Variants in ESR1 observed in about 807,000 individuals in gnomAD.
ESR1 encodes estrogen receptor.
ESR1 carries 12 observed loss-of-function variants against 52.7 expected under a neutral mutation model. The observed-to-expected ratio is 0.23, with a 90% CI of 0.15 to 0.37. The LOEUF is 0.37. Ranked by LOEUF, ESR1 falls within the 10% of genes least tolerant of loss-of-function variation. The pLI is 1.00. For synonymous variants in ESR1, 305 were observed against 316.8 expected (o/e 0.96, Z 0.39); for missense variants, 584 against 779.7 (o/e 0.75, Z 2.99).
chr6:152,108,869 C>T (rs757276675), intron 6 of ESR1, among the ~76,000 whole-genome samples: 10 of 152,172 alleles, frequency 6.6e-5, no homozygotes, highest in Non-Finnish European at 1.2e-4. Context: ...CCCATTCTCA[C>T]GCTGCTACAA....
At chr6:151,710,209 A>G (rs1177251146) in intron 2 of ESR1, among the ~76,000 whole-genome samples, 1 of 150,860 alleles carries the variant, frequency 6.6e-6, no homozygotes, top group African/African-American at 2.4e-5. Context: ...CTCTTTTAAC[A>G]TTTGGCAAGT....
intron 2 of ESR1, among the ~76,000 whole-genome samples, chr6:151,751,818 C>A (rs1005764244): frequency 6.6e-6 from 1 of 152,136 alleles, no homozygotes; most frequent in African/African-American, 2.4e-5. Context: ...GAGAGAAGAT[C>A]ATTATTAATG....
chr6:152,026,145 C>G (rs1052753704), intron 5 of ESR1, among the ~76,000 whole-genome samples: 3 of 151,728 alleles, frequency 2.0e-5, no homozygotes, highest in African/African-American at 4.8e-5. Context: ...AAAAATGTTC[C>G]ATGTATACTT....
intron 2 of ESR1, among the ~76,000 whole-genome samples, chr6:151,778,284 T>C (rs114042150): frequency 0.087 from 13,210 of 152,146 alleles, 687 homozygotes; most frequent in African/African-American, 0.1. Flanking sequence ...CATTTCTGTT[T>C]GGGATGATGA....
intron 2 of ESR1, among the ~76,000 whole-genome samples, chr6:151,857,487 ACC>A (rs372523672): frequency 4.0e-5 from 6 of 149,742 alleles, no homozygotes; most frequent in African/African-American, 1.3e-4. Context: ...AAACACACCC[ACC>A]CACCCACACA....
At chr6:151,921,553 C>T (rs759764747) in intron 3 of ESR1, among the ~76,000 whole-genome samples, 1 of 152,150 alleles carries the variant, frequency 6.6e-6, no homozygotes, top group Non-Finnish European at 1.5e-5. Flanking sequence ...ACATTCCGAC[C>T]AACAGTGTAA....
At chr6:151,742,609 C>T (rs1435533674) in intron 2 of ESR1, among the ~76,000 whole-genome samples, 3 of 152,148 alleles carry the variant, frequency 2.0e-5, no homozygotes, top group African/African-American at 7.2e-5. Context: ...TCTGTGCCTT[C>T]CTTTGTTACT....
chr6:151,716,832 G>A (rs1013497219), intron 2 of ESR1, among the ~76,000 whole-genome samples: 4 of 152,216 alleles, frequency 2.6e-5, no homozygotes, highest in African/African-American at 4.8e-5. Context: ...CTTTTCTGGG[G>A]AGTGAATGGT....
intron 1 of ESR1, among the ~76,000 whole-genome samples, chr6:151,676,646 C>T (rs934809740): frequency 2.0e-5 from 3 of 152,180 alleles, no homozygotes; most frequent in African/African-American, 4.8e-5. Flanking sequence ...CATGGGCAGC[C>T]TTCCTTCCCC....
intron 6 of ESR1, among the ~76,000 whole-genome samples, chr6:152,109,162 C>T (rs2051101618): frequency 1.3e-5 from 2 of 152,192 alleles, no homozygotes; most frequent in South Asian, 4.1e-4. Context: ...GGTGCTGACC[C>T]ATTCAGGAGA....
chr6:151,905,778 G>A (rs1436092583), intron 3 of ESR1, among the ~76,000 whole-genome samples: 1 of 152,090 alleles, frequency 6.6e-6, no homozygotes, highest in Non-Finnish European at 1.5e-5. Flanking sequence ...TAGTTTATAG[G>A]CAAGATAGCC....
At chr6:151,958,778 AACAGACATTGAAT>A (rs1224767943) in intron 4 of ESR1, among the ~76,000 whole-genome samples, 1 of 152,230 alleles carries the variant, frequency 6.6e-6, no homozygotes, top group Non-Finnish European at 1.5e-5. Context: ...ACAAGTGGTG[AACAGACATTGAAT>A]AGTTGTTTTC....
At chr6:152,109,080 A>G (rs2051100542) in intron 6 of ESR1, among the ~76,000 whole-genome samples, 1 of 152,072 alleles carries the variant, frequency 6.6e-6, no homozygotes, top group South Asian at 2.1e-4. Context: ...GGGAGGCGCT[A>G]CACACTTTTC....
chr6:151,918,419 T>C lies in ESR1; in HGVS notation c.761-25754T>C, dbSNP rs148228554. 7.9e-5 allele frequency among the ~76,000 whole-genome samples: 12 copies of C among 152,322 alleles called. No homozygotes were observed. In the East Asian group the frequency reaches 2.3e-3, roughly 29 times the overall value. On this transcript the variant is annotated intron_variant, in intron 3 of 7. Transcript: ENST00000206249. ...AAATCATTGCTCATCTGTGCCTAAG[T>C]AGACTTATCAAGGGCAGTTGGTTCA... is the stretch of plus-strand genomic sequence containing the variant.
In ESR1 at chr6:151,955,469, C is replaced by T. The variant is rs137957709; in HGVS notation, c.1096+10961C>T. Among the ~76,000 whole-genome samples, 45 of 152,022 alleles carry T rather than the reference C, an allele frequency of 3.0e-4. No individual in the cohort carries two copies. The East Asian group carries it at 7.7e-3, about 26-fold the overall frequency. On this transcript the variant is annotated intron_variant, in intron 4 of 7. Coordinates refer to ENST00000206249, the MANE Select transcript of ESR1 (RefSeq NM_000125.4). ...TAAAAAAGAAACAGACATTTCATAG[C>T]AAAAATAGGATAAAAATGATATTAA...
chr6:151,987,635 C>T (rs1355666865), intron 4 of ESR1, among the ~76,000 whole-genome samples: 2 of 152,102 alleles, frequency 1.3e-5, no homozygotes, highest in South Asian at 2.1e-4. Flanking sequence ...CTTACCTTTC[C>T]TCACAGATTA....
intron 3 of ESR1, among the ~76,000 whole-genome samples, chr6:151,914,890 AAG>A (rs577262432): frequency 7.7e-4 from 117 of 152,340 alleles, no homozygotes; most frequent in African/African-American, 2.4e-3. Context: ...ATTTTAATAA[AAG>A]AAGGTTTTGA....
chr6:151,779,196 G>A (rs1330632589), intron 2 of ESR1, among the ~76,000 whole-genome samples: 4 of 152,090 alleles, frequency 2.6e-5, no homozygotes, highest in Non-Finnish European at 4.4e-5. Context: ...GTATTGCCTA[G>A]GTTTTCTTCT....
intron 2 of ESR1, among the ~76,000 whole-genome samples, chr6:151,846,070 C>T (rs1382642112): frequency 6.6e-6 from 1 of 152,124 alleles, no homozygotes; most frequent in East Asian, 1.9e-4. Context: ...TTGAGTCTGG[C>T]TATCAGAGGT....
Sources: allele counts gnomAD v4.1 joint callset (sites outside exome capture counted in the v4.1 genomes callset), GRCh38; gene constraint gnomAD v4.1.1; transcripts MANE v1.5; gene names NCBI Gene and HGNC (gene_info 2026-07-23, HGNC 2026-07-21).